Variants in RERE observed in about 807,000 individuals in gnomAD.
RERE encodes the protein arginine-glutamic acid dipeptide repeats protein.
RERE carries 40 observed loss-of-function variants against 146.1 expected under a neutral mutation model. The ratio of observed to expected loss-of-function variants is 0.27; its 90% confidence interval spans 0.21 to 0.36. The LOEUF is 0.36. RERE is among the 10% of genes least tolerant of loss of function. RERE has a pLI of 1.00. For synonymous variants in RERE, 1,003 were observed against 866.0 expected (o/e 1.16, Z -2.78); for missense variants, 1,933 against 2,138.7 (o/e 0.90, Z 1.90).
intron 12 of RERE, chr1:8,380,825 C>T (rs185986297): frequency 1.5e-4 from 69 of 456,746 alleles, no homozygotes; most frequent in Non-Finnish European, 2.6e-4. Context: ...GAACCAAAGT[C>T]AGGGCAGAGA....
intron 12 of RERE, 25 bp downstream of exon 12, chr1:8,422,702 T>A: frequency 6.4e-7 from 1 of 1,551,770 alleles, no homozygotes; most frequent in Non-Finnish European, 8.9e-7. Flanking sequence ...AAAAATCAAG[T>A]TACATAAAGT....
chr1:8,488,608 C>T (rs1368136622), intron 10 of RERE, among the ~76,000 whole-genome samples: 5 of 152,128 alleles, frequency 3.3e-5, no homozygotes, highest in Admixed American at 3.3e-4. Flanking sequence ...TGGAAATTAC[C>T]TCAAATAGCC....
intron 4 of RERE, among the ~76,000 whole-genome samples, chr1:8,559,298 A>AAC (rs1269853200): frequency 6.9e-6 from 1 of 145,408 alleles, no homozygotes; most frequent in Non-Finnish European, 1.5e-5. Flanking sequence ...AAAAAAAAAA[A>AAC]AAAAAACAGA....
At chr1:8,652,559 A>C (rs1350554894) in intron 2 of RERE, among the ~76,000 whole-genome samples, 1 of 152,224 alleles carries the variant, frequency 6.6e-6, no homozygotes, top group Non-Finnish European at 1.5e-5. Flanking sequence ...ACAATTCCAC[A>C]GGGCTGGGGA....
In RERE at chr1:8,352,867, T is replaced by A. The variant is rs1266472812; in HGVS notation, c.*2220A>T. ...AAAAGCAAAGCTAACAAGAATGCCT[T>A]CGGACGGCTTTCAAGCACAGACCTC... On this transcript the variant is annotated 3_prime_UTR_variant, in exon 23 of 23. Coordinates refer to ENST00000400908, the MANE Select transcript of RERE (RefSeq NM_001042681.2). 6.6e-6 allele frequency: 1 copy of A among 152,540 alleles called. No homozygotes were observed. The highest frequency in any genetic ancestry group is 1.5e-5 in the Non-Finnish European group (1 of 68,052). 9.4% of individuals were successfully genotyped at this position (152,540 alleles called of 1,614,324 possible). A position where few individuals can be genotyped will look rare whatever the true frequency, so the allele number is the denominator to read the frequency against.
chr1:8,567,669 T>G (rs762760722), intron 4 of RERE, among the ~76,000 whole-genome samples: 18 of 152,258 alleles, frequency 1.2e-4, no homozygotes, highest in Non-Finnish European at 2.2e-4. Context: ...ATATTGTGTA[T>G]GAACACTGAA....
chr1:8,470,417 A>G (rs1644665717), intron 10 of RERE, among the ~76,000 whole-genome samples: 1 of 151,634 alleles, frequency 6.6e-6, no homozygotes, highest in Non-Finnish European at 1.5e-5. Flanking sequence ...GCCCACCACC[A>G]CGCCCGGCTA....
chr1:8,565,175 A>G (rs537549116), intron 4 of RERE, among the ~76,000 whole-genome samples: 2 of 152,256 alleles, frequency 1.3e-5, no homozygotes, highest in East Asian at 1.9e-4. Context: ...AATATAGTTA[A>G]TAACAGTGTA....
At chr1:8,805,689 T>C (rs1388083799) in intron 1 of RERE, among the ~76,000 whole-genome samples, 1 of 149,220 alleles carries the variant, frequency 6.7e-6, no homozygotes, top group Admixed American at 6.7e-5. Context: ...TAGTCAGGCA[T>C]GGTGGTGTGT....
chr1:8,535,947 A>T (rs2124379542), intron 7 of RERE, among the ~76,000 whole-genome samples: 1 of 152,048 alleles, frequency 6.6e-6, no homozygotes, highest in South Asian at 2.1e-4. Flanking sequence ...CTCTACTAAA[A>T]ATACAAAAAT....
intron 11 of RERE, among the ~76,000 whole-genome samples, chr1:8,447,852 C>T (rs1313957448): frequency 6.6e-6 from 1 of 152,232 alleles, no homozygotes; most frequent in African/African-American, 2.4e-5. Context: ...TCTCCGAATA[C>T]ATCCTGCACT....
chr1:8,558,174 T>C (rs1646029119), intron 4 of RERE, among the ~76,000 whole-genome samples: 1 of 152,240 alleles, frequency 6.6e-6, no homozygotes, highest in Non-Finnish European at 1.5e-5. Flanking sequence ...TATAAAATTA[T>C]TTGTGAATAA....
chr1:8,565,761 T>C (rs1250242005), intron 4 of RERE, among the ~76,000 whole-genome samples: 3 of 152,112 alleles, frequency 2.0e-5, no homozygotes, highest in Non-Finnish European at 2.9e-5. Flanking sequence ...TCTATATATA[T>C]TATCCATATA....
intron 12 of RERE, among the ~76,000 whole-genome samples, chr1:8,406,032 C>T (rs1235476934): frequency 1.3e-5 from 2 of 152,090 alleles, no homozygotes; most frequent in Non-Finnish European, 2.9e-5. Context: ...AACTACAAAG[C>T]CAAACTTAAA....
At chr1:8,485,885 G>A (rs990258545) in intron 10 of RERE, among the ~76,000 whole-genome samples, 5 of 143,888 alleles carry the variant, frequency 3.5e-5, no homozygotes, top group African/African-American at 1.3e-4. Context: ...TGCAATCTCC[G>A]CCTCCCAGAT....
In RERE at chr1:8,359,068, C is replaced by T. The variant is rs1641439924; in HGVS notation, c.3619-152G>A. On this transcript the variant is annotated intron_variant, in intron 19 of 22. Transcript: ENST00000400908. ...GAGACCCGGCCCTGCCTTGGCCTGACACCAGGATGCAGTCCAGGCCCCACA... is the reference window on the plus strand; with the variant it reads ...GAGACCCGGCCCTGCCTTGGCCTGATACCAGGATGCAGTCCAGGCCCCACA... 4.1e-6 allele frequency: 4 copies of T among 979,782 alleles called. No individual in the cohort carries two copies. In the East Asian group the frequency reaches 1.2e-4, roughly 28 times the overall value. The allele number at this position is 979,782 out of a possible 1,614,324, so 60.7% of individuals were successfully genotyped here.
At chr1:8,676,793 G>A (rs985559629) in intron 1 of RERE, among the ~76,000 whole-genome samples, 3 of 152,188 alleles carry the variant, frequency 2.0e-5, no homozygotes, top group African/African-American at 4.8e-5. Flanking sequence ...GGAGGAAAAC[G>A]TCTGAGGCAG....
chr1:8,581,111 T>G (rs1405702759), intron 4 of RERE, among the ~76,000 whole-genome samples: 3 of 152,230 alleles, frequency 2.0e-5, no homozygotes, highest in Non-Finnish European at 4.4e-5. Context: ...CCACCAACAA[T>G]GTATGAGAAC....
At chr1:8,602,534 A>AG (rs1646646443) in intron 4 of RERE, among the ~76,000 whole-genome samples, 1 of 151,458 alleles carries the variant, frequency 6.6e-6, no homozygotes, top group African/African-American at 2.4e-5. Flanking sequence ...GAAAAAAAAA[A>AG]AACTAAACTT....
Sources: allele counts gnomAD v4.1 joint callset (sites outside exome capture counted in the v4.1 genomes callset), GRCh38; gene constraint gnomAD v4.1.1; transcripts MANE v1.5; gene names NCBI Gene and HGNC (gene_info 2026-07-23, HGNC 2026-07-21).